EFCAB14: variants seen among roughly 807,000 people sequenced by gnomAD.
EFCAB14 encodes EF-hand calcium-binding domain-containing protein 14.
In EFCAB14, 43 loss-of-function variants were observed where a neutral mutation model predicts 56.5. The ratio of observed to expected loss-of-function variants is 0.76; its 90% CI spans 0.60 to 0.98. EFCAB14 has a LOEUF of 0.98. Ranked by LOEUF, EFCAB14 falls within the 50% of genes least tolerant of loss-of-function variation. The pLI is 0.00. For synonymous variants in EFCAB14, 235 were observed against 212.9 expected (o/e 1.10, Z -0.90); for missense variants, 538 against 580.3 (o/e 0.93, Z 0.75).
intron 7 of EFCAB14, 133 bp from the exon 8 acceptor site, chr1:46,687,003 G>T: frequency 2.5e-6 from 2 of 789,124 alleles, no homozygotes; most frequent in Non-Finnish European, 4.1e-6. Context: ...AACAGAAATT[G>T]CAGAGGAGTG....
At chr1:46,697,671 A>G (rs1175014205) in intron 3 of EFCAB14, among the ~76,000 whole-genome samples, 1 of 152,102 alleles carries the variant, frequency 6.6e-6, no homozygotes, top group Non-Finnish European at 1.5e-5. Flanking sequence ...CCTTTAGCAA[A>G]TGTTTGGCAT....
At chr1:46,700,711 T>A (rs1050698609) in intron 3 of EFCAB14, among the ~76,000 whole-genome samples, 4 of 152,238 alleles carry the variant, frequency 2.6e-5, no homozygotes, top group South Asian at 2.1e-4. Context: ...ATATATTTTT[T>A]AAAATAATTT....
chr1:46,688,217 AC>A (rs1676920244), intron 7 of EFCAB14, 135 bp downstream of exon 7: 1 of 808,082 alleles, frequency 1.2e-6, no homozygotes, highest in Non-Finnish European at 2.0e-6. Flanking sequence ...ATGAGACAAC[AC>A]ATTGTGAGGA....
In EFCAB14 at chr1:46,708,015, G is replaced by GTTGTTTA; in HGVS notation, c.370_371insTAAACAA (p.Pro124LeufsTer6). ...GCTGAGTAGTTCTTCATTAAGTTTG[G>GTTGTTTA]GGATTTCTTGGAATGAGCTTTTCTG... On this transcript the variant is annotated frameshift_variant, in exon 3 of 11. Coordinates refer to ENST00000371933, the MANE Select transcript of EFCAB14 (RefSeq NM_014774.3). LOFTEE classifies it high-confidence loss of function. 6.2e-7 allele frequency: 1 copy of GTTGTTTA among 1,612,116 alleles called. No homozygotes were observed. Among genetic ancestry groups the GTTGTTTA allele is most frequent in the African/African-American group, 1.3e-5 (1 of 74,936 alleles).
chr1:46,683,465 T>C (rs373363037), intron 9 of EFCAB14, 40 bp from the exon 10 acceptor site: 2 of 1,586,392 alleles, frequency 1.3e-6, no homozygotes, highest in African/African-American at 2.7e-5. Flanking sequence ...TATTATTGAA[T>C]CTAACACCAA....
At chr1:46,698,749 G>T (rs1677110595) in intron 3 of EFCAB14, among the ~76,000 whole-genome samples, 1 of 152,198 alleles carries the variant, frequency 6.6e-6, no homozygotes, top group Non-Finnish European at 1.5e-5. Context: ...GACAAAGTAG[G>T]TGGTGAGGCC....
Position 46,676,296 on chromosome 1 carries a change from C to T in EFCAB14, c.*2165G>A, listed in dbSNP as rs1434137092. On this transcript the variant is annotated 3_prime_UTR_variant, in exon 11 of 11. Coordinates refer to ENST00000371933, the MANE Select transcript of EFCAB14 (RefSeq NM_014774.3). ...ACTGTATACTGGCTCAGGGGTGATACTAGTCAGACAAGCACAAGGTAGGAA... is the reference window on the plus strand; with the variant it reads ...ACTGTATACTGGCTCAGGGGTGATATTAGTCAGACAAGCACAAGGTAGGAA... The T allele has an allele frequency of 6.6e-6, 1 of 152,084 alleles. No homozygotes were observed. Among genetic ancestry groups the T allele is most frequent in the Non-Finnish European group, 1.5e-5 (1 of 68,032 alleles). The allele number at this position is 152,084 out of a possible 1,614,324, so 9.4% of individuals were successfully genotyped here.
intron 3 of EFCAB14, among the ~76,000 whole-genome samples, chr1:46,706,450 TATA>T (rs779480535): frequency 1.3e-5 from 2 of 152,228 alleles, no homozygotes; most frequent in Admixed American, 6.5e-5. Flanking sequence ...TGACTCTTCC[TATA>T]ATGTCAGTTT....
At position 46,684,575 on chromosome 1, in the gene EFCAB14, A is replaced by T. The variant is rs755582345; in HGVS notation, c.1102T>A (p.Ser368Thr). ...KKEDSSNSQV[S>T]KLREKLQLIS... Reference sequence around the variant, plus strand: ...AGCTGGAGTTTCTCTCTTAGCTTGGATACCTGAGAATTTGAACTATCTTCT... The same window carrying T: ...AGCTGGAGTTTCTCTCTTAGCTTGGTTACCTGAGAATTTGAACTATCTTCT... Residue 368 changes from serine to threonine, a missense_variant, in exon 9 of 11, where the codon TCC (serine) becomes ACC (threonine). Transcript: ENST00000371933. 1 of 1,614,074 alleles carries T rather than the reference A, an allele frequency of 6.2e-7. No homozygotes were observed. Among genetic ancestry groups the T allele is most frequent in the Non-Finnish European group, 8.5e-7 (1 of 1,179,986 alleles).
chr1:46,716,472 G>C (rs769374458), intron 1 of EFCAB14, 29 bp from the exon 2 acceptor site: 3 of 1,612,110 alleles, frequency 1.9e-6, no homozygotes, highest in South Asian at 1.1e-5. Flanking sequence ...TCAACCATGA[G>C]TACAAAAGTG....
At chr1:46,717,010 C>T (rs78605648) in intron 1 of EFCAB14, among the ~76,000 whole-genome samples, 1,834 of 152,288 alleles carry the variant, frequency 0.012, 33 homozygotes, top group African/African-American at 0.042. Flanking sequence ...AAAACATCAA[C>T]CAACCTTCAA....
intron 3 of EFCAB14, among the ~76,000 whole-genome samples, chr1:46,702,006 C>T (rs534848443): frequency 6.6e-5 from 10 of 152,270 alleles, no homozygotes; most frequent in African/African-American, 1.9e-4. Context: ...TTGCTCTGGC[C>T]TCTAACAGAT....
intron 2 of EFCAB14, among the ~76,000 whole-genome samples, chr1:46,713,127 T>C (rs1040520287): frequency 2.0e-5 from 3 of 152,150 alleles, no homozygotes; most frequent in African/African-American, 7.2e-5. Flanking sequence ...AGTCAAGATA[T>C]TGGTTCTCAC....
chr1:46,717,840 A>T (rs755987205), intron 1 of EFCAB14, 63 bp downstream of exon 1: 34 of 1,538,322 alleles, frequency 2.2e-5, no homozygotes, highest in Admixed American at 3.7e-5. Context: ...CTTCCTGTCA[A>T]TGTGGCCCCT....
intron 8 of EFCAB14, among the ~76,000 whole-genome samples, chr1:46,685,975 A>G (rs1676874742): frequency 1.3e-5 from 2 of 152,238 alleles, no homozygotes; most frequent in Admixed American, 1.3e-4. Context: ...GCATTACATC[A>G]AAAGCTGCCT....
rs770789971 is a variant in EFCAB14 at position 46,689,650 on chromosome 1, G to C, written c.732C>G (p.Ile244Met). Reference protein sequence around the residue: ...FLKETPGSNQIIPSPSATSEL... With the variant: ...FLKETPGSNQMIPSPSATSEL... ...CTGATGTGGCTGAAGGTGACGGAAT[G>C]ATCTGGTTGCTTCCAGGAGTCTCCT... is the stretch of plus-strand genomic sequence containing the variant. The change falls in exon 6 of 11, where the codon ATC (isoleucine) becomes ATG (methionine). Residue 244 changes from isoleucine (I) to methionine (M), a missense_variant. By Grantham distance (10) the Ile-to-Met change is conservative. Coordinates refer to ENST00000371933, the MANE Select transcript of EFCAB14 (RefSeq NM_014774.3). 2.5e-6 allele frequency: 4 copies of C among 1,613,898 alleles called. No homozygotes were observed. The highest frequency in any genetic ancestry group is 2.2e-5 in the South Asian group (2 of 91,078).
intron 4 of EFCAB14, among the ~76,000 whole-genome samples, chr1:46,695,260 C>G (rs1205599383): frequency 6.6e-6 from 1 of 152,170 alleles, no homozygotes; most frequent in Non-Finnish European, 1.5e-5. Flanking sequence ...TAATGCAAGA[C>G]TGTGAGAGCT....
rs1275449997 is a variant in EFCAB14 at position 46,706,332 on chromosome 1, G to A, written c.480+1574C>T. On this transcript the variant is annotated intron_variant, in intron 3 of 10. Coordinates refer to ENST00000371933, the MANE Select transcript of EFCAB14 (RefSeq NM_014774.3). ...AATAATGGCAGGCTAAGAATAAAAT[G>A]ATTACTTTGTGTCTAGCTTCCTGGT... 1.3e-5 allele frequency among the ~76,000 whole-genome samples: 2 copies of A among 152,164 alleles called. 1 individual carries two copies. Among genetic ancestry groups the A allele is most frequent in the East Asian group, 3.8e-4 (2 of 5,204 alleles).
At chr1:46,716,493 T>C (rs1252252316) in intron 1 of EFCAB14, 50 bp from the exon 2 acceptor site, 5 of 1,594,280 alleles carry the variant, frequency 3.1e-6, no homozygotes, top group African/African-American at 2.7e-5. Context: ...ATTATGGGTA[T>C]AGCTTTATTA....
Sources: allele counts gnomAD v4.1 joint callset (sites outside exome capture counted in the v4.1 genomes callset), GRCh38; gene constraint gnomAD v4.1.1; transcripts MANE v1.5; gene names NCBI Gene and HGNC (gene_info 2026-07-23, HGNC 2026-07-21).